CHAF1B: variants seen among roughly 807,000 people sequenced by gnomAD.
The protein encoded by CHAF1B is chromatin assembly factor 1 subunit B.
Under a neutral mutation model 60.7 loss-of-function variants are expected in CHAF1B, and 10 were observed. That is an observed-to-expected ratio of 0.16 (90% CI 0.10 to 0.28). CHAF1B has a LOEUF of 0.28. Ranked by LOEUF, CHAF1B falls within the 10% of genes least tolerant of loss-of-function variation. CHAF1B has a pLI of 1.00. For synonymous variants in CHAF1B, 261 were observed against 266.1 expected, an observed-to-expected ratio of 0.98 and a Z score of 0.19; for missense variants, 558 against 708.4, an observed-to-expected ratio of 0.79 and a Z score of 2.41.
At chr21:36,409,350 C>T in intron 9 of CHAF1B, 24 bp from the exon 10 acceptor site, 1 of 1,595,082 alleles carries the variant, frequency 6.3e-7, no homozygotes, top group East Asian at 2.2e-5. Flanking sequence ...GTGCCTTTTC[C>T]TAACACTGCA....
chr21:36,389,760 TGTGTG>T (rs1222399200), intron 3 of CHAF1B, among the ~76,000 whole-genome samples: 1 of 31,706 alleles, frequency 3.2e-5, no homozygotes, highest in African/African-American at 1.4e-4. Context: ...CATGAAGGGA[TGTGTG>T]TGTGTGTGTG....
rs1346683403 is a variant in CHAF1B at position 36,418,506 on chromosome 21, C to G, written c.*2140C>G. The stretch of plus-strand genomic sequence containing the variant: ...GCAGACAGATGAATGACCATGGGTC[C>G]CCTGTCCTTATTGAGCAGCCTGCTT... On this transcript the variant is annotated 3_prime_UTR_variant, in exon 14 of 14. Coordinates refer to ENST00000314103, the MANE Select transcript of CHAF1B (RefSeq NM_005441.3). 2 of 152,156 alleles carry G rather than the reference C, an allele frequency of 1.3e-5. No individual in the cohort carries two copies. Among genetic ancestry groups the G allele is most frequent in the Non-Finnish European group, 2.9e-5 (2 of 68,114 alleles). 9.4% of individuals were successfully genotyped at this position (152,156 alleles called of 1,614,324 possible).
At chr21:36,387,219 G>GTTTTTTTTTTTTTTTTTTTT (rs1471540790) in intron 2 of CHAF1B, among the ~76,000 whole-genome samples, 1 of 141,316 alleles carries the variant, frequency 7.1e-6, no homozygotes, top group Admixed American at 7.1e-5. Context: ...AATAAGCATA[G>GTTTTTTTTTTTTTTTTTTTT]TTTTGTTTTT....
chr21:36,400,940 G>A (rs1046418253), intron 7 of CHAF1B, among the ~76,000 whole-genome samples: 2 of 152,144 alleles, frequency 1.3e-5, no homozygotes, highest in African/African-American at 4.8e-5. Flanking sequence ...GCTGGGCGCT[G>A]ACAGGCACTG....
chr21:36,405,807 G>A (rs2086233697), intron 8 of CHAF1B, among the ~76,000 whole-genome samples: 1 of 152,104 alleles, frequency 6.6e-6, no homozygotes, highest in African/African-American at 2.4e-5. Context: ...TATAAAGCAA[G>A]TTCTGAACAA....
rs1422039464 is a variant in CHAF1B, at chr21:36,418,095, A to G, written c.*1729A>G. 3 of 151,386 alleles carry G rather than the reference A, an allele frequency of 2.0e-5. No homozygotes were observed. The highest frequency in any genetic ancestry group is 7.3e-5 in the African/African-American group (3 of 41,134). The allele number at this position is 151,386 out of a possible 1,614,324, so 9.4% of individuals were successfully genotyped here. ...AGTGGCGCAATCTCCACTCACTGCAACCTCACCTCCTAGGTTCAAGGGATT... is the reference window on the plus strand; with the variant it reads ...AGTGGCGCAATCTCCACTCACTGCAGCCTCACCTCCTAGGTTCAAGGGATT... On this transcript the variant is annotated 3_prime_UTR_variant, in exon 14 of 14. Coordinates refer to ENST00000314103, the MANE Select transcript of CHAF1B (RefSeq NM_005441.3).
chr21:36,394,662 A>T lies in CHAF1B; in HGVS notation c.481+12A>T. The T allele has an allele frequency of 6.5e-7, 1 of 1,535,230 alleles. No individual in the cohort carries two copies. The highest frequency in any genetic ancestry group is 2.3e-5 in the East Asian group (1 of 44,018). ...GGATGTCAGCAAAGGTAAATGATATATTTTTGTTATTAGCAGGAAGAAATA... is the reference window on the plus strand; with the variant it reads ...GGATGTCAGCAAAGGTAAATGATATTTTTTTGTTATTAGCAGGAAGAAATA... On this transcript the variant is annotated intron_variant, in intron 5 of 13. Coordinates refer to ENST00000314103, the MANE Select transcript of CHAF1B (RefSeq NM_005441.3).
chr21:36,413,110 C>T lies in CHAF1B; in HGVS notation c.1288C>T (p.Pro430Ser). 1 of 1,614,108 alleles carries T rather than the reference C, an allele frequency of 6.2e-7. No homozygotes were observed. The highest frequency in any genetic ancestry group is 1.1e-5 in the South Asian group (1 of 91,080). Residue 430 changes from proline to serine, a missense_variant, in exon 12 of 14, where the codon CCC becomes TCC. Pro to Ser is a moderately conservative substitution (Grantham distance 74, BLOSUM62 -1). This residue lies in a region of CHAF1B where 233 missense variants were observed against 214.9 expected (regional missense o/e 1.08). Coordinates refer to ENST00000314103, the MANE Select transcript of CHAF1B (RefSeq NM_005441.3). Reference sequence around the variant, plus strand: ...CAGCAGAACCCAAGACCCCAGCAGCCCCGGCACGACTCCCCCTCAGGCCAG... The same window carrying T: ...CAGCAGAACCCAAGACCCCAGCAGCTCCGGCACGACTCCCCCTCAGGCCAG... ...PASRTQDPSS[P>S]GTTPPQARQA...
At chr21:36,401,960 C>T (rs375786228) in intron 7 of CHAF1B, among the ~76,000 whole-genome samples, 2 of 152,048 alleles carry the variant, frequency 1.3e-5, no homozygotes, top group African/African-American at 4.8e-5. Context: ...AGGCTGGTCT[C>T]GTACTCCTGG....
chr21:36,415,703 G>A (rs887715817), intron 13 of CHAF1B: 13 of 457,348 alleles, frequency 2.8e-5, no homozygotes, highest in African/African-American at 4.0e-5. Context: ...TGTATTATGC[G>A]ATGTTTAACA....
At chr21:36,401,753 T>C (rs1185621786) in intron 7 of CHAF1B, among the ~76,000 whole-genome samples, 1 of 150,672 alleles carries the variant, frequency 6.6e-6, no homozygotes, top group Non-Finnish European at 1.5e-5. Flanking sequence ...TGCTTGTTTG[T>C]TTGTTGAGAC....
intron 3 of CHAF1B, among the ~76,000 whole-genome samples, chr21:36,389,571 C>T (rs138082504): frequency 0.019 from 2,891 of 148,476 alleles, 51 homozygotes; most frequent in Admixed American, 0.042. Context: ...GGCCATTGCA[C>T]TCCAGCCTGG....
At position 36,402,808 on chromosome 21, in the gene CHAF1B, T is replaced by C. The variant is rs958239604; in HGVS notation, c.714T>C (p.Arg238=). The C allele has an allele frequency of 1.9e-6, 3 of 1,614,012 alleles. No individual in the cohort carries two copies. The highest frequency in any genetic ancestry group is 2.2e-5 in the East Asian group (1 of 44,896). Residue 238 remains arginine, a synonymous_variant, in exon 8 of 14, where the codon CGT becomes CGC. Transcript: ENST00000314103. Reference sequence around the variant, plus strand: ...ACGACAGCATGAAGTCTTTCTTCCGTAGACTGAGTTTCACTCCCGACGGAT... The same window carrying C: ...ACGACAGCATGAAGTCTTTCTTCCGCAGACTGAGTTTCACTCCCGACGGAT... ...FHDDSMKSFF[R]RLSFTPDGSL...
In CHAF1B at chr21:36,411,538, C is replaced by A; in HGVS notation, c.995C>A (p.Thr332Asn). The A allele has an allele frequency of 6.2e-7, 1 of 1,614,112 alleles. No homozygotes were observed. Among genetic ancestry groups the A allele is most frequent in the Non-Finnish European group, 8.5e-7 (1 of 1,180,026 alleles). ...ASEDSVLLYD[T>N]QQSFPFGYVS... ...GAGGATTCCGTGCTTCTGTATGACA[C>A]CCAGCAGTCCTTCCCTTTTGGTTAC... The change falls in exon 11 of 14, where the codon ACC (threonine) becomes AAC (asparagine). Residue 332 changes from threonine to asparagine, a missense_variant. By Grantham distance (65) the Thr-to-Asn change is moderately conservative. Coordinates refer to ENST00000314103, the MANE Select transcript of CHAF1B (RefSeq NM_005441.3).
At chr21:36,406,598 T>A (rs544832837) in intron 8 of CHAF1B, among the ~76,000 whole-genome samples, 17 of 152,124 alleles carry the variant, frequency 1.1e-4, no homozygotes, top group Admixed American at 6.6e-5. Flanking sequence ...CTTTTTTTTT[T>A]AATTGACAGA....
At position 36,418,126 on chromosome 21, in the gene CHAF1B, G is replaced by A. The variant is rs1169092343; in HGVS notation, c.*1760G>A. The A allele has an allele frequency of 1.3e-5, 2 of 151,660 alleles. No homozygotes were observed. The highest frequency in any genetic ancestry group is 1.3e-4 in the Admixed American group (2 of 15,198). The allele number at this position is 151,660 out of a possible 1,614,324, so 9.4% of individuals were successfully genotyped here. On this transcript the variant is annotated 3_prime_UTR_variant, in exon 14 of 14. Transcript: ENST00000314103. ...CCTCCTAGGTTCAAGGGATTCTCCT[G>A]CCTCAGCCTCTCCAGTAGCTGGGAT...
At chr21:36,416,154 C>T in intron 13 of CHAF1B, 121 bp from the exon 14 acceptor site, 1 of 790,484 alleles carries the variant, frequency 1.3e-6, no homozygotes, top group Non-Finnish European at 2.0e-6. Flanking sequence ...TCCATTATAT[C>T]AGTATAGGAT....
chr21:36,414,270 G>A (rs2086300901), intron 12 of CHAF1B, among the ~76,000 whole-genome samples: 2 of 152,198 alleles, frequency 1.3e-5, no homozygotes, highest in African/African-American at 4.8e-5. Flanking sequence ...CTGGGAAGGG[G>A]GATGCAGAGG....
At chr21:36,396,283 A>T (rs1203400413) in intron 5 of CHAF1B, among the ~76,000 whole-genome samples, 1 of 142,376 alleles carries the variant, frequency 7.0e-6, no homozygotes, top group Non-Finnish European at 1.5e-5. Context: ...TACAGGCATG[A>T]GCCATTGCGA....
Sources: allele counts gnomAD v4.1 joint callset (sites outside exome capture counted in the v4.1 genomes callset), GRCh38; gene constraint gnomAD v4.1.1; regional missense constraint gnomAD v4.1.1; transcripts MANE v1.5; gene names NCBI Gene and HGNC (gene_info 2026-07-23, HGNC 2026-07-21).